Variants in FOXP1 observed in about 807,000 individuals in gnomAD.
The protein encoded by FOXP1 is forkhead box P1.
FOXP1 carries 15 observed loss-of-function variants against 98.2 expected under a neutral mutation model. The ratio of observed to expected loss-of-function variants is 0.15; its 90% CI spans 0.10 to 0.24. The LOEUF (loss-of-function observed/expected upper bound fraction) is 0.24, where lower values mean the gene tolerates loss of function less well. Ranked by LOEUF, FOXP1 falls within the 10% of genes least tolerant of loss-of-function variation. FOXP1 has a pLI of 1.00. For synonymous variants in FOXP1, 371 were observed against 314.5 expected, an observed-to-expected ratio of 1.18 and a Z score of -1.90; for missense variants, 633 against 848.5, an observed-to-expected ratio of 0.75 and a Z score of 3.15.
chr3:71,391,183 T>G (rs1027118581), intron 3 of FOXP1, among the ~76,000 whole-genome samples: 2 of 152,240 alleles, frequency 1.3e-5, no homozygotes, highest in Non-Finnish European at 2.9e-5. Flanking sequence ...AATTCTAGAT[T>G]GGACTTTGTC....
At chr3:71,543,239 C>T (rs949183001) in intron 2 of FOXP1, among the ~76,000 whole-genome samples, 1 of 152,188 alleles carries the variant, frequency 6.6e-6, no homozygotes, top group African/African-American at 2.4e-5. Context: ...GAATAAATTG[C>T]ATCATTTAGT....
intron 2 of FOXP1, among the ~76,000 whole-genome samples, chr3:71,539,114 TA>T (rs556677915): frequency 0.015 from 2,293 of 149,484 alleles, 33 homozygotes; most frequent in Non-Finnish European, 0.025. Flanking sequence ...TTTTTGTTTT[TA>T]TTTTTTTTTT....
intron 3 of FOXP1, among the ~76,000 whole-genome samples, chr3:71,484,898 C>T (rs777075092): frequency 6.6e-6 from 1 of 152,112 alleles, no homozygotes; most frequent in African/African-American, 2.4e-5. Flanking sequence ...AAACACTGCC[C>T]GTAGGAAGAT....
chr3:71,551,410 C>T (rs571842894), intron 2 of FOXP1, among the ~76,000 whole-genome samples: 1 of 152,168 alleles, frequency 6.6e-6, no homozygotes, highest in Non-Finnish European at 1.5e-5. Context: ...TAGAAAACTA[C>T]TTTTCTGTTT....
chr3:71,266,077 C>T (rs149877516), intron 5 of FOXP1, among the ~76,000 whole-genome samples: 143 of 151,878 alleles, frequency 9.4e-4, no homozygotes, highest in African/African-American at 3.1e-3. Context: ...AATTTGCTAG[C>T]GCTGCAAAGA....
intron 3 of FOXP1, among the ~76,000 whole-genome samples, chr3:71,381,553 C>T (rs895019595): frequency 6.6e-6 from 1 of 151,602 alleles, no homozygotes; most frequent in African/African-American, 2.4e-5. Flanking sequence ...AAGTGAGCCG[C>T]CTACCTCAGC....
intron 11 of FOXP1, among the ~76,000 whole-genome samples, chr3:71,024,943 G>T (rs2045919545): frequency 6.6e-6 from 1 of 152,124 alleles, no homozygotes; most frequent in South Asian, 2.1e-4. Context: ...GGTCCTCAGG[G>T]CATGGCTCAT....
At chr3:71,234,196 CA>C (rs2066581039) in intron 5 of FOXP1, among the ~76,000 whole-genome samples, 2 of 151,608 alleles carry the variant, frequency 1.3e-5, no homozygotes, top group Non-Finnish European at 1.5e-5. Flanking sequence ...AGCATTAAAT[CA>C]AAAAACCAAA....
At position 71,581,505 on chromosome 3, in the gene FOXP1, C is replaced by T. The variant is rs558633301; in HGVS notation, c.-298+44G>A. The T allele has an allele frequency of 1.1e-5, 11 of 985,466 alleles. No homozygotes were observed. The South Asian group carries it at 2.8e-4, about 25-fold the overall frequency. 61.0% of individuals were successfully genotyped at this position (985,466 alleles called of 1,614,324 possible). A position where few individuals can be genotyped will look rare whatever the true frequency, so the allele number is the denominator to read the frequency against. Reference sequence around the variant, plus strand: ...AGAACCCCTAGTGCCGCCTGGGGCTCTCCGGTGTCCCTGGACCCCGCGCCC... The same window carrying T: ...AGAACCCCTAGTGCCGCCTGGGGCTTTCCGGTGTCCCTGGACCCCGCGCCC... On this transcript the variant is annotated intron_variant, in intron 2 of 20. Coordinates refer to ENST00000649528, the MANE Select transcript of FOXP1 (RefSeq NM_001349338.3).
chr3:71,262,231 A>T, intron 5 of FOXP1, among the ~76,000 whole-genome samples: 1 of 125,338 alleles, frequency 8.0e-6, no homozygotes, highest in South Asian at 2.8e-4. Context: ...GCGCCACTGC[A>T]CTCCAGCCTG....
chr3:71,187,044 C>A (rs949210211), intron 6 of FOXP1, among the ~76,000 whole-genome samples: 2 of 152,234 alleles, frequency 1.3e-5, no homozygotes. Context: ...TACTAGGTGG[C>A]AGGCTGGATC....
chr3:71,156,521 G>A (rs2060831631), intron 6 of FOXP1, among the ~76,000 whole-genome samples: 1 of 152,182 alleles, frequency 6.6e-6, no homozygotes, highest in Non-Finnish European at 1.5e-5. Context: ...GGGGAAAAGA[G>A]TGAGCAAAGA....
chr3:71,202,638 T>C (rs1281203647), intron 5 of FOXP1, among the ~76,000 whole-genome samples: 3 of 152,344 alleles, frequency 2.0e-5, no homozygotes, highest in East Asian at 3.9e-4. Flanking sequence ...ATAACTATTC[T>C]GTTTCAGACA....
chr3:71,123,427 T>C (rs2058930336), intron 6 of FOXP1, among the ~76,000 whole-genome samples: 1 of 152,248 alleles, frequency 6.6e-6, no homozygotes. Context: ...CCATCATACC[T>C]TGATTCTCAG....
At chr3:71,123,030 G>C (rs538120130) in intron 6 of FOXP1, among the ~76,000 whole-genome samples, 11 of 151,984 alleles carry the variant, frequency 7.2e-5, no homozygotes, top group Non-Finnish European at 1.6e-4. Flanking sequence ...CAAAAGACTT[G>C]CTTTTTTTCA....
chr3:71,516,270 A>C (rs2042571644), intron 2 of FOXP1, among the ~76,000 whole-genome samples: 1 of 152,208 alleles, frequency 6.6e-6, no homozygotes, highest in African/African-American at 2.4e-5. Flanking sequence ...ATTTAGGAAA[A>C]GCACAATGCA....
chr3:71,233,764 T>G (rs892794651), intron 5 of FOXP1, among the ~76,000 whole-genome samples: 4 of 152,176 alleles, frequency 2.6e-5, no homozygotes, highest in East Asian at 3.9e-4. Flanking sequence ...CAAAAGAGGA[T>G]CAGGACTTGT....
intron 7 of FOXP1, among the ~76,000 whole-genome samples, chr3:71,101,474 G>C (rs1055633784): frequency 5.9e-5 from 9 of 152,252 alleles, no homozygotes; most frequent in Admixed American, 2.6e-4. Context: ...ATGGAGGCCA[G>C]GGGGTACTGA....
chr3:71,068,605 A>T (rs2052843265), intron 7 of FOXP1, among the ~76,000 whole-genome samples: 1 of 152,222 alleles, frequency 6.6e-6, no homozygotes, highest in African/African-American at 2.4e-5. Context: ...CAAAACCTTA[A>T]TTCAAGTTTG....
Sources: allele counts gnomAD v4.1 joint callset (sites outside exome capture counted in the v4.1 genomes callset), GRCh38; gene constraint gnomAD v4.1.1; transcripts MANE v1.5; gene names NCBI Gene and HGNC (gene_info 2026-07-23, HGNC 2026-07-21).